Variants in ARFGEF1 observed in about 807,000 individuals in gnomAD.
ARFGEF1 encodes the protein ARF guanine nucleotide exchange factor 1.
ARFGEF1 carries 42 observed loss-of-function variants against 231.0 expected under a neutral mutation model. The ratio of observed to expected loss-of-function variants is 0.18; its 90% CI spans 0.14 to 0.24. The LOEUF is 0.24. ARFGEF1 is among the 10% of genes least tolerant of loss of function. The pLI is 1.00. For missense variants in ARFGEF1, 1,345 were observed against 2,192.0 expected (o/e 0.61, Z 7.72); for synonymous variants, 710 against 732.3 (o/e 0.97, Z 0.49).
intron 10 of ARFGEF1, among the ~76,000 whole-genome samples, 196 bp from the exon 11 acceptor site, chr8:67,267,638 A>G (rs1380315741): frequency 6.6e-6 from 1 of 152,174 alleles, no homozygotes; most frequent in African/African-American, 2.4e-5. Flanking sequence ...CCTTCTAGTT[A>G]TCAGTACTGC....
At chr8:67,343,118 C>T in intron 1 of ARFGEF1, 46 bp downstream of exon 1, 4 of 1,228,288 alleles carry the variant, frequency 3.3e-6, no homozygotes, top group Non-Finnish European at 3.3e-6. Context: ...CCCCCCTCCC[C>T]GCCCCACAAC....
chr8:67,262,508 G>A (rs536766050), intron 14 of ARFGEF1, among the ~76,000 whole-genome samples: 31 of 152,316 alleles, frequency 2.0e-4, no homozygotes, highest in African/African-American at 6.7e-4. Context: ...TAAAATTGCA[G>A]CAAAGTTTGA....
At position 67,232,953 on chromosome 8, in the gene ARFGEF1, A is replaced by G. The variant is rs1414386352; in HGVS notation, c.3290-8T>C. Reference sequence around the variant, plus strand: ...AGTCCACATTTCCTCCAACTACCACACATAAAAAAAAGTCATTTCAGTTTG... The same window carrying G: ...AGTCCACATTTCCTCCAACTACCACGCATAAAAAAAAGTCATTTCAGTTTG... On this transcript the variant is annotated splice_polypyrimidine_tract_variant and splice_region_variant and intron_variant, in intron 22 of 38. Coordinates refer to ENST00000262215, the MANE Select transcript of ARFGEF1 (RefSeq NM_006421.5). 8 of 1,598,290 alleles carry G rather than the reference A, an allele frequency of 5.0e-6. No individual in the cohort carries two copies. The highest frequency in any genetic ancestry group is 6.8e-6 in the Non-Finnish European group (8 of 1,170,428).
chr8:67,222,192 T>TATATACAC (rs1554636819), intron 29 of ARFGEF1, among the ~76,000 whole-genome samples: 2 of 139,230 alleles, frequency 1.4e-5, no homozygotes, highest in African/African-American at 5.6e-5. Flanking sequence ...CATATATATA[T>TATATACAC]ATATATATAT....
intron 9 of ARFGEF1, among the ~76,000 whole-genome samples, chr8:67,273,419 CAAAAAAAAAAAAAA>C (rs58580002): frequency 1.4e-4 from 8 of 56,610 alleles, no homozygotes; most frequent in Admixed American, 2.3e-4. Flanking sequence ...TTTTTTTTCC[CAAAAAAAAAAAAAA>C]AAAAAAAAAA....
At chr8:67,175,523 C>A in exon 6 of ARFGEF1, 2 of 1,488,414 alleles carry the variant, frequency 1.3e-6, no homozygotes, top group Non-Finnish European at 1.9e-6. Flanking sequence ...ATTTCATTCC[C>A]AGGCATCCTC....
At chr8:67,324,531 G>T (rs1250251199) in intron 1 of ARFGEF1, among the ~76,000 whole-genome samples, 1 of 152,102 alleles carries the variant, frequency 6.6e-6, no homozygotes, top group Non-Finnish European at 1.5e-5. Context: ...CTATAAAGCT[G>T]TTCCTGACCC....
chr8:67,205,750 C>A (rs2129577465), intron 34 of ARFGEF1, among the ~76,000 whole-genome samples: 1 of 152,118 alleles, frequency 6.6e-6, no homozygotes, highest in Non-Finnish European at 1.5e-5. Flanking sequence ...CCCAGCTACT[C>A]TGGAGGCTGA....
At chr8:67,342,912 G>C (rs1301280277) in intron 1 of ARFGEF1, among the ~76,000 whole-genome samples, 1 of 152,022 alleles carries the variant, frequency 6.6e-6, no homozygotes, top group African/African-American at 2.4e-5. Context: ...TCGAACCCAG[G>C]TGCCCCGCGA....
intron 5 of ARFGEF1, among the ~76,000 whole-genome samples, chr8:67,294,495 T>C (rs1322942354): frequency 6.6e-6 from 1 of 152,316 alleles, no homozygotes; most frequent in Admixed American, 6.5e-5. Context: ...TGCTATAATC[T>C]ACTTAGTAAA....
At chr8:67,332,880 AT>A (rs975430512) in intron 1 of ARFGEF1, among the ~76,000 whole-genome samples, 2 of 152,172 alleles carry the variant, frequency 1.3e-5, no homozygotes, top group African/African-American at 4.8e-5. Flanking sequence ...CATTTGCAAA[AT>A]GCAGGTAATA....
intron 5 of ARFGEF1, among the ~76,000 whole-genome samples, chr8:67,182,186 A>G (rs1157955296): frequency 6.6e-6 from 1 of 152,098 alleles, no homozygotes; most frequent in Non-Finnish European, 1.5e-5. Context: ...TATTTTTTGT[A>G]GAGACAGGGT....
chr8:67,286,402 G>C (rs535836616), intron 7 of ARFGEF1, among the ~76,000 whole-genome samples: 1 of 152,288 alleles, frequency 6.6e-6, no homozygotes, highest in African/African-American at 2.4e-5. Flanking sequence ...TGTATTGTTA[G>C]ATGCTGGTGA....
chr8:67,218,191 TAAAAAAAA>T lies in ARFGEF1; in HGVS notation c.4339-61_4339-54del, dbSNP rs10719102. 3.3e-3 allele frequency: 508 copies of T among 153,682 alleles called. 15 individuals are homozygous for T. Among genetic ancestry groups the T allele is most frequent in the African/African-American group, 0.022 (391 of 17,680 alleles). The allele number at this position is 153,682 out of a possible 1,614,324, so 9.5% of individuals were successfully genotyped here. On this transcript the variant is annotated intron_variant, in intron 30 of 38. Coordinates refer to ENST00000262215, the MANE Select transcript of ARFGEF1 (RefSeq NM_006421.5). ...CACGCCATTAATCAACTACTATGAT[TAAAAAAAA>T]AAAAAAAAATATATATATATATATA... is the stretch of plus-strand genomic sequence containing the variant.
At chr8:67,251,473 C>A (rs1840280875) in intron 18 of ARFGEF1, 23 bp from the exon 19 acceptor site, 2 of 1,547,050 alleles carry the variant, frequency 1.3e-6, no homozygotes, top group Non-Finnish European at 1.7e-6. Context: ...ACACTATCAG[C>A]ATTTTAAATA....
chr8:67,314,593 T>A (rs1167585741), intron 1 of ARFGEF1, among the ~76,000 whole-genome samples: 1 of 152,130 alleles, frequency 6.6e-6, no homozygotes, highest in African/African-American at 2.4e-5. Context: ...TTCCCACTTC[T>A]GCAGTTGGGG....
chr8:67,204,927 A>G (rs945587892), intron 34 of ARFGEF1, 108 bp from the exon 35 acceptor site: 3 of 1,336,814 alleles, frequency 2.2e-6, no homozygotes, highest in Non-Finnish European at 3.1e-6. Flanking sequence ...GTATTCACAT[A>G]TCACACTGAG....
chr8:67,203,243 C>T lies in ARFGEF1; in HGVS notation c.4968G>A (p.Ala1656=), dbSNP rs61758876. Residue 1656 remains alanine (A), a synonymous_variant, in exon 36 of 39, where the codon GCG becomes GCA. Transcript: ENST00000262215. The part of the protein sequence containing the change: ...AENLAAAQRD[A]VDFDVRVDTQ... ...TATCAACGCGAACATCAAAGTCCAC[C>T]GCATCTCTCTTTGGAAAACAAACCA... 7,407 of 1,613,490 alleles carry T rather than the reference C, an allele frequency of 4.6e-3. 289 individuals are homozygous for T. In the African/African-American group the frequency reaches 0.085, roughly 19 times the overall value.
chr8:67,300,851 T>TA (rs762595248), intron 3 of ARFGEF1, among the ~76,000 whole-genome samples: 4,378 of 130,750 alleles, frequency 0.033, 89 homozygotes, highest in Non-Finnish European at 0.045. Context: ...CTCAAAAAAT[T>TA]AAAAAAAAAA....
Sources: allele counts gnomAD v4.1 joint callset (sites outside exome capture counted in the v4.1 genomes callset), GRCh38; gene constraint gnomAD v4.1.1; transcripts MANE v1.5; gene names NCBI Gene and HGNC (gene_info 2026-07-23, HGNC 2026-07-21).